DMXL1: variants seen among roughly 807,000 people sequenced by gnomAD.
DMXL1 encodes Dmx like 1, also known as dmX-like protein 1.
In DMXL1, 99 loss-of-function variants were observed where a neutral mutation model predicts 319.2. The ratio of observed to expected loss-of-function variants is 0.31; its 90% CI spans 0.26 to 0.37. The LOEUF (loss-of-function observed/expected upper bound fraction) is 0.37. Ranked by LOEUF, DMXL1 falls within the 10% of genes least tolerant of loss-of-function variation. The pLI is 1.00. For synonymous variants in DMXL1, 1,385 were observed against 1,235.2 expected (o/e 1.12, Z -2.54); for missense variants, 3,745 against 3,595.6 (o/e 1.04, Z -1.06).
At chr5:119,241,872 C>T (rs1366512633) in intron 42 of DMXL1, among the ~76,000 whole-genome samples, 3 of 152,164 alleles carry the variant, frequency 2.0e-5, no homozygotes, top group African/African-American at 7.2e-5. Flanking sequence ...ATACTCGCAA[C>T]ACTTGAGCTA....
At position 119,203,332 on chromosome 5, in the gene DMXL1, C is replaced by G; in HGVS notation, c.7759C>G (p.Leu2587Val). 1 of 1,591,398 alleles carries G rather than the reference C, an allele frequency of 6.3e-7. No individual in the cohort carries two copies. The highest frequency in any genetic ancestry group is 8.5e-7 in the Non-Finnish European group (1 of 1,171,732). ...CTCTCTCTGTAGATCCAAACACCAT[C>G]TGGCACTGTCTGTGAAGAGGCTTTG... is the stretch of plus-strand genomic sequence containing the variant. Reference protein sequence around the residue: ...TNTPFKSKHHLALSVKRLWQY... With the variant: ...TNTPFKSKHHVALSVKRLWQY... Residue 2587 changes from leucine to valine, a missense_variant, in exon 33 of 44, where the codon CTG (leucine) becomes GTG (valine). This residue lies in a region of DMXL1 where 1,382 missense variants were observed against 1,269.5 expected (regional missense o/e 1.09). Transcript: ENST00000539542.
intron 34 of DMXL1, among the ~76,000 whole-genome samples, chr5:119,209,523 T>G (rs148955430): frequency 6.6e-6 from 1 of 152,028 alleles, no homozygotes; most frequent in African/African-American, 2.4e-5. Context: ...CTCAATTTTA[T>G]TTTTTGTAGA....
intron 34 of DMXL1, among the ~76,000 whole-genome samples, chr5:119,208,295 G>A (rs558452879): frequency 6.7e-6 from 1 of 149,594 alleles, no homozygotes; most frequent in African/African-American, 2.5e-5. Context: ...CTTACTGCAA[G>A]CTCCGCCTCC....
chr5:119,175,372 C>G (rs746353658), intron 26 of DMXL1, 35 bp downstream of exon 26: 1 of 1,465,856 alleles, frequency 6.8e-7, no homozygotes, highest in Admixed American at 1.7e-5. Context: ...AGAATGCTTA[C>G]AGTAAGCAAT....
chr5:119,214,732 C>T (rs1477438481), intron 34 of DMXL1, among the ~76,000 whole-genome samples: 1 of 152,108 alleles, frequency 6.6e-6, no homozygotes, highest in African/African-American at 2.4e-5. Context: ...CACCACCTTA[C>T]TGAGAAACAA....
At chr5:119,110,651 G>C (rs1759372399) in intron 5 of DMXL1, among the ~76,000 whole-genome samples, 1 of 152,182 alleles carries the variant, frequency 6.6e-6, no homozygotes, top group Non-Finnish European at 1.5e-5. Flanking sequence ...GCCAAAATCT[G>C]AGTGGAATTT....
At chr5:119,215,332 G>A (rs572626641) in intron 34 of DMXL1, among the ~76,000 whole-genome samples, 95 of 151,596 alleles carry the variant, frequency 6.3e-4, no homozygotes, top group Middle Eastern at 6.8e-3. Context: ...TTTTGAGACA[G>A]GGTCTTGCTC....
intron 1 of DMXL1, among the ~76,000 whole-genome samples, chr5:119,071,998 C>T (rs1302839993): frequency 6.6e-6 from 1 of 152,044 alleles, no homozygotes; most frequent in Non-Finnish European, 1.5e-5. Context: ...TCTATAGGTT[C>T]AAATTGTCAA....
chr5:119,172,009 A>G, intron 25 of DMXL1, 40 bp downstream of exon 25: 1 of 1,521,114 alleles, frequency 6.6e-7, no homozygotes, highest in Non-Finnish European at 8.9e-7. Flanking sequence ...TCATCTGTAC[A>G]ATGATAAAAC....
intron 13 of DMXL1, 120 bp downstream of exon 13, chr5:119,134,509 T>C: frequency 3.4e-6 from 3 of 892,928 alleles, no homozygotes. Flanking sequence ...TGTATCTTTG[T>C]TTTATTTTTT....
At chr5:119,186,966 T>G (rs1052113596) in intron 28 of DMXL1, among the ~76,000 whole-genome samples, 2 of 151,862 alleles carry the variant, frequency 1.3e-5, no homozygotes, top group Non-Finnish European at 2.9e-5. Flanking sequence ...AGGAGATATA[T>G]CTAATGTAAA....
chr5:119,151,982 C>T lies in DMXL1; in HGVS notation c.4648C>T (p.His1550Tyr), dbSNP rs998972537. Reference protein sequence around the residue: ...GLKFLLAVRLHTFLTTSLPAY... With the variant: ...GLKFLLAVRLYTFLTTSLPAY... The stretch of plus-strand genomic sequence containing the variant: ...AAAATTTCTTTTGGCTGTTCGACTC[C>T]ATACCTTTCTTACAACTTCCCTTCC... The change falls in exon 19 of 44, where the codon CAT becomes TAT. Residue 1550 changes from histidine (H) to tyrosine (Y), a missense_variant. By Grantham distance (83) the His-to-Tyr change is moderately conservative. Transcript: ENST00000539542. The T allele has an allele frequency of 6.2e-7, 1 of 1,613,090 alleles. No individual in the cohort carries two copies. Among genetic ancestry groups the T allele is most frequent in the African/African-American group, 1.3e-5 (1 of 74,840 alleles).
chr5:119,085,279 C>A (rs752645615), intron 1 of DMXL1, among the ~76,000 whole-genome samples: 9 of 151,688 alleles, frequency 5.9e-5, no homozygotes, highest in Non-Finnish European at 8.8e-5. Context: ...TGCAGTGAAC[C>A]AAGATTGGTG....
At chr5:119,096,504 T>G (rs187439844) in intron 1 of DMXL1, among the ~76,000 whole-genome samples, 1 of 152,256 alleles carries the variant, frequency 6.6e-6, no homozygotes, top group African/African-American at 2.4e-5. Flanking sequence ...TATATGTGCG[T>G]GTGCAAAAAT....
rs1055278454 is a variant in DMXL1, at chr5:119,149,983, C to T, written c.4156C>T (p.Pro1386Ser). ...ISASGSTTRD[P>S]QAFNKAENTD... ...TGCTAGTGGAAGCACTACCAGAGAC[C>T]CCCAGGCATTCAACAAGGCTGAAAA... Residue 1386 changes from proline (P) to serine (S), a missense_variant, in exon 18 of 44, where the codon CCC becomes TCC. Pro to Ser is a moderately conservative substitution (Grantham distance 74). This residue lies in a region of DMXL1 where 2,096 missense variants were observed against 1,985.4 expected (regional missense o/e 1.06). Coordinates refer to ENST00000539542, the MANE Select transcript of DMXL1 (RefSeq NM_001290321.3). 5 of 1,613,816 alleles carry T rather than the reference C, an allele frequency of 3.1e-6. No homozygotes were observed. The East Asian group carries it at 8.9e-5, about 29-fold the overall frequency.
chr5:119,233,301 T>C, intron 38 of DMXL1, 39 bp from the exon 39 acceptor site: 1 of 1,587,072 alleles, frequency 6.3e-7, no homozygotes, highest in Non-Finnish European at 8.6e-7. Context: ...CCAAAGATTC[T>C]TGAAATAAAT....
chr5:119,108,069 C>T (rs1407967666), intron 4 of DMXL1, among the ~76,000 whole-genome samples: 1 of 152,112 alleles, frequency 6.6e-6, no homozygotes, highest in Non-Finnish European at 1.5e-5. Flanking sequence ...CCTTTTGAAA[C>T]AAGAAAACGA....
intron 32 of DMXL1, among the ~76,000 whole-genome samples, chr5:119,202,889 A>ATATATATATATATTTT (rs1554139473): frequency 1.4e-5 from 2 of 141,440 alleles, no homozygotes; most frequent in African/African-American, 5.2e-5. Flanking sequence ...ATATTTTTAT[A>ATATATATATATATTTT]TATATATATA....
At chr5:119,218,654 ACCATGTTGGTTGG>A (rs1193716124) in intron 35 of DMXL1, among the ~76,000 whole-genome samples, 8 of 151,942 alleles carry the variant, frequency 5.3e-5, no homozygotes, top group African/African-American at 1.7e-4. Flanking sequence ...ACGGCGTTTC[ACCATGTTGGTTGG>A]CCAGGATGGT....
Sources: gnomAD v4.1 joint callset for allele counts (sites outside exome capture counted in the v4.1 genomes callset) on GRCh38, gnomAD v4.1.1 for gene constraint, gnomAD v4.1.1 regional missense constraint, MANE v1.5 for transcripts, NCBI Gene and HGNC (gene_info 2026-07-23, HGNC 2026-07-21) for gene names.